The following CDK5RAP2 variants were observed in gnomAD, a reference collection of about 807,000 sequenced individuals.
CDK5RAP2 encodes the protein CDK5 regulatory subunit associated protein 2, also known as CDK5 regulatory subunit-associated protein 2.
CDK5RAP2 carries 147 observed loss-of-function variants against 232.9 expected under a neutral mutation model. The ratio of observed to expected loss-of-function variants is 0.63; its 90% CI spans 0.55 to 0.72. The LOEUF (loss-of-function observed/expected upper bound fraction) is 0.72, where lower values mean the gene tolerates loss of function less well. CDK5RAP2 is among the 30% of genes least tolerant of loss of function. CDK5RAP2 has a pLI of 0.00. For missense variants in CDK5RAP2, 2,195 were observed against 2,231.5 expected (o/e 0.98, Z 0.33); for synonymous variants, 833 against 833.7 (o/e 1.00, Z 0.01).
At chr9:120,539,618 G>A (rs567610990) in intron 5 of CDK5RAP2, among the ~76,000 whole-genome samples, 2 of 152,264 alleles carry the variant, frequency 1.3e-5, no homozygotes, top group South Asian at 4.1e-4. Flanking sequence ...CATTGTATCT[G>A]ACGATACTCA....
chr9:120,471,669 AT>A (rs1048059869), intron 16 of CDK5RAP2, 78 bp downstream of exon 16: 52 of 1,599,686 alleles, frequency 3.3e-5, no homozygotes, highest in Non-Finnish European at 4.3e-5. Flanking sequence ...CTTAACAAAT[AT>A]TTAGGACTCT....
chr9:120,568,462 C>G (rs2042727167), intron 2 of CDK5RAP2, 74 bp from the exon 3 acceptor site: 4 of 1,069,704 alleles, frequency 3.7e-6, no homozygotes, highest in South Asian at 2.5e-5. Context: ...GAATAGAGCA[C>G]AGAGAGGAAA....
chr9:120,560,250 C>T (rs2042414088), intron 3 of CDK5RAP2, among the ~76,000 whole-genome samples: 1 of 152,212 alleles, frequency 6.6e-6, no homozygotes, highest in Non-Finnish European at 1.5e-5. Context: ...AGGATAAAGT[C>T]AATTCCCTCA....
chr9:120,394,786 G>A lies in CDK5RAP2; in HGVS notation c.5452-148C>T. On this transcript the variant is annotated intron_variant, in intron 35 of 37. Transcript: ENST00000349780. Reference sequence around the variant, plus strand: ...ACTAGAAGCCTTTTCCTGACAACCAGGAAAAGGCAAAATTGGACAAAACTC... The same window carrying A: ...ACTAGAAGCCTTTTCCTGACAACCAAGAAAAGGCAAAATTGGACAAAACTC... 8.2e-6 allele frequency: 6 copies of A among 733,076 alleles called. No individual in the cohort carries two copies. The South Asian group carries it at 8.4e-5, about 10-fold the overall frequency. The allele number at this position is 733,076 out of a possible 1,614,324, so 45.4% of individuals were successfully genotyped here.
At chr9:120,579,899 C>T in intron 1 of CDK5RAP2, 21 bp downstream of exon 1, 1 of 1,605,602 alleles carries the variant, frequency 6.2e-7, no homozygotes, top group Non-Finnish European at 8.5e-7. Context: ...GTTACCACGA[C>T]CACCAATGCC....
rs540990122 is a variant in CDK5RAP2 at position 120,464,372 on chromosome 9, T to C, written c.2106+3488A>G. On this transcript the variant is annotated intron_variant, in intron 18 of 37. Transcript: ENST00000349780. The stretch of plus-strand genomic sequence containing the variant: ...TCTGCCCCAATTGCCCCTCTGCTTC[T>C]CTGGATTACATCCTAGACAGGGCGG... Among the ~76,000 whole-genome samples, 8 of 152,330 alleles carry C rather than the reference T, an allele frequency of 5.3e-5. No individual in the cohort carries two copies. The East Asian group carries it at 1.5e-3, about 29-fold the overall frequency.
At chr9:120,430,705 G>C (rs1204246671) in intron 25 of CDK5RAP2, among the ~76,000 whole-genome samples, 1 of 146,544 alleles carries the variant, frequency 6.8e-6, no homozygotes, top group Admixed American at 6.8e-5. Flanking sequence ...TCAGTGTGGC[G>C]ATTCCTCAGG....
At chr9:120,427,843 C>T (rs1236812630) in intron 25 of CDK5RAP2, among the ~76,000 whole-genome samples, 1 of 151,984 alleles carries the variant, frequency 6.6e-6, no homozygotes, top group Non-Finnish European at 1.5e-5. Flanking sequence ...CAAAATTGAC[C>T]ACATAGTTGG....
chr9:120,557,810 G>C (rs957229858), intron 3 of CDK5RAP2, among the ~76,000 whole-genome samples: 1 of 146,828 alleles, frequency 6.8e-6, no homozygotes, highest in East Asian at 2.1e-4. Context: ...TGTCACCCAG[G>C]CTGGAGTGCA....
At chr9:120,528,894 T>A (rs1248511887) in intron 8 of CDK5RAP2, 97 bp from the exon 9 acceptor site, 1 of 832,854 alleles carries the variant, frequency 1.2e-6, no homozygotes, top group Admixed American at 1.8e-5. Context: ...CTTACTCACC[T>A]TCCCCCACTA....
intron 1 of CDK5RAP2, among the ~76,000 whole-genome samples, chr9:120,577,972 T>G (rs950837210): frequency 6.6e-6 from 1 of 152,178 alleles, no homozygotes; most frequent in Non-Finnish European, 1.5e-5. Flanking sequence ...GATTTATATT[T>G]AAAAAATAGT....
intron 12 of CDK5RAP2, among the ~76,000 whole-genome samples, chr9:120,505,108 T>C (rs2131739364): frequency 6.6e-6 from 1 of 152,304 alleles, no homozygotes; most frequent in South Asian, 2.1e-4. Context: ...CACAGAGATT[T>C]TGTATTTTAC....
intron 35 of CDK5RAP2, among the ~76,000 whole-genome samples, chr9:120,395,408 G>A (rs2032372915): frequency 6.6e-6 from 1 of 152,250 alleles, no homozygotes; most frequent in African/African-American, 2.4e-5. Flanking sequence ...AGGAAAGTAT[G>A]CTCCATTAGA....
rs118033070 is a variant in CDK5RAP2, at chr9:120,570,326, T to G, written c.127+1648A>C. Among the ~76,000 whole-genome samples the G allele has an allele frequency of 3.3e-5, 5 of 152,258 alleles. No homozygotes were observed. The East Asian group carries it at 9.6e-4, about 29-fold the overall frequency. On this transcript the variant is annotated intron_variant, in intron 2 of 37. Transcript: ENST00000349780. ...TTCAGGTCTCCGCTCCAATATCAAT[T>G]TCTTGGGAAACTCTAGCCTGACCCA...
chr9:120,442,862 C>T (rs1479302267), intron 23 of CDK5RAP2, among the ~76,000 whole-genome samples: 1 of 152,132 alleles, frequency 6.6e-6, no homozygotes, highest in East Asian at 1.9e-4. Context: ...TTTCCAGAGA[C>T]TGGTGTCCCC....
At position 120,423,543 on chromosome 9, in the gene CDK5RAP2, G is replaced by A. The variant is rs73660245; in HGVS notation, c.3956-802C>T. Among the ~76,000 whole-genome samples, 436 of 152,246 alleles carry A rather than the reference G, an allele frequency of 2.9e-3. 5 individuals carry two copies. Among genetic ancestry groups the A allele is most frequent in the African/African-American group, 0.01 (416 of 41,544 alleles). On this transcript the variant is annotated intron_variant, in intron 25 of 37. Transcript: ENST00000349780. ...CTCAGAATGTAGCTGGGCAAAAGAC[G>A]CTCTGCTCTCTTCCTGCATGTTATC...
At chr9:120,414,363 T>C (rs1316599965) in intron 28 of CDK5RAP2, among the ~76,000 whole-genome samples, 1 of 152,196 alleles carries the variant, frequency 6.6e-6, no homozygotes, top group African/African-American at 2.4e-5. Context: ...TCAAGATACA[T>C]GCTTTACGGA....
At chr9:120,537,845 T>A (rs1188989827) in intron 6 of CDK5RAP2, among the ~76,000 whole-genome samples, 1 of 152,136 alleles carries the variant, frequency 6.6e-6, no homozygotes, top group Non-Finnish European at 1.5e-5. Flanking sequence ...AATACCACAG[T>A]TATTATTACA....
intron 35 of CDK5RAP2, 56 bp downstream of exon 35, chr9:120,400,686 T>A: frequency 6.2e-7 from 1 of 1,608,750 alleles, no homozygotes; most frequent in Non-Finnish European, 8.5e-7. Context: ...TGGAGGAAAC[T>A]GAGACACAGG....
Sources: gnomAD v4.1 joint callset for allele counts (sites outside exome capture counted in the v4.1 genomes callset) on GRCh38, gnomAD v4.1.1 for gene constraint, MANE v1.5 for transcripts, NCBI Gene and HGNC (gene_info 2026-07-23, HGNC 2026-07-21) for gene names.